Variants in CCSER1 observed in about 807,000 individuals in gnomAD.
The protein encoded by CCSER1 is coiled-coil serine rich protein 1.
In CCSER1, 41 loss-of-function variants were observed where a neutral mutation model predicts 82.0. That is an observed-to-expected ratio of 0.50 (90% confidence interval 0.39 to 0.65). CCSER1 has a LOEUF of 0.65. Among genes scored for constraint, CCSER1 ranks in the 30% least tolerant of loss-of-function variants. The probability of loss-of-function intolerance (pLI) is 0.00; values close to 1 mark genes in which losing one functional copy is unlikely to be tolerated. For missense variants in CCSER1, 1,119 were observed against 1,064.2 expected (o/e 1.05, Z -0.72); for synonymous variants, 414 against 383.9 (o/e 1.08, Z -0.92).
At chr4:90,853,560 C>T (rs979025069) in intron 8 of CCSER1, among the ~76,000 whole-genome samples, 9 of 151,984 alleles carry the variant, frequency 5.9e-5, no homozygotes, top group Non-Finnish European at 1.0e-4. Context: ...TCTCTGTGCT[C>T]GTGTTTTAAC....
intron 8 of CCSER1, among the ~76,000 whole-genome samples, chr4:90,841,808 G>A (rs1762608234): frequency 6.6e-6 from 1 of 151,996 alleles, no homozygotes; most frequent in African/African-American, 2.4e-5. Flanking sequence ...TGGTACTCTG[G>A]AAGTGTGTCT....
At chr4:90,934,100 A>AT (rs1029954047) in intron 9 of CCSER1, among the ~76,000 whole-genome samples, 2 of 151,902 alleles carry the variant, frequency 1.3e-5, no homozygotes, top group African/African-American at 2.4e-5. Flanking sequence ...CTTTATGATC[A>AT]TTTTTTGTAA....
intron 10 of CCSER1, among the ~76,000 whole-genome samples, chr4:91,360,101 TAGTGTGGC>T (rs1749151192): frequency 6.6e-6 from 1 of 151,824 alleles, no homozygotes. Flanking sequence ...TGATTAATGG[TAGTGTGGC>T]ACCATATAGT....
intron 10 of CCSER1, among the ~76,000 whole-genome samples, chr4:91,590,615 A>G (rs191006256): frequency 2.0e-5 from 3 of 152,268 alleles, no homozygotes; most frequent in Admixed American, 2.0e-4. Flanking sequence ...ATTGTACTTG[A>G]GAAAGACGCA....
intron 10 of CCSER1, among the ~76,000 whole-genome samples, chr4:91,261,058 C>T (rs1472638235): frequency 6.6e-6 from 1 of 152,216 alleles, no homozygotes; most frequent in African/African-American, 2.4e-5. Context: ...CCACCACGCC[C>T]GGCTTCCCTA....
intron 5 of CCSER1, among the ~76,000 whole-genome samples, chr4:90,483,364 C>G (rs113568399): frequency 0.026 from 4,028 of 152,276 alleles, 187 homozygotes; most frequent in African/African-American, 0.092. Flanking sequence ...AGCATTTAGT[C>G]CACATACATT....
chr4:91,000,036 A>G (rs72884756), intron 9 of CCSER1, among the ~76,000 whole-genome samples: 3,069 of 151,938 alleles, frequency 0.02, 61 homozygotes, highest in African/African-American at 0.054. Flanking sequence ...CATTTATTGA[A>G]TACGGAGTTC....
At chr4:90,864,195 C>A (rs986354304) in intron 8 of CCSER1, among the ~76,000 whole-genome samples, 2 of 151,734 alleles carry the variant, frequency 1.3e-5, no homozygotes, top group Non-Finnish European at 2.9e-5. Context: ...CTTTTTCTAA[C>A]CTGAGTGCTC....
At chr4:91,324,835 T>C (rs1470668920) in intron 10 of CCSER1, among the ~76,000 whole-genome samples, 1 of 152,120 alleles carries the variant, frequency 6.6e-6, no homozygotes, top group African/African-American at 2.4e-5. Flanking sequence ...TGGAAAGGCA[T>C]GATTATGTTT....
chr4:91,089,651 T>C (rs1238054000), intron 10 of CCSER1, among the ~76,000 whole-genome samples: 1 of 152,174 alleles, frequency 6.6e-6, no homozygotes, highest in African/African-American at 2.4e-5. Context: ...TTTTATCATT[T>C]GAAGAAGTAC....
chr4:90,230,328 C>T (rs1307575566), intron 1 of CCSER1, among the ~76,000 whole-genome samples: 7 of 152,130 alleles, frequency 4.6e-5, no homozygotes, highest in South Asian at 2.1e-4. Context: ...CACTCAAAAC[C>T]GCTCAACTAC....
At chr4:91,463,512 A>G (rs1030613466) in intron 10 of CCSER1, among the ~76,000 whole-genome samples, 19 of 152,232 alleles carry the variant, frequency 1.2e-4, no homozygotes, top group African/African-American at 4.6e-4. Flanking sequence ...ACAGAGAATG[A>G]CTTTGACGAG....
intron 6 of CCSER1, among the ~76,000 whole-genome samples, chr4:90,701,613 A>G (rs1738143832): frequency 6.6e-6 from 1 of 152,200 alleles, no homozygotes. Flanking sequence ...CTTCCTACCC[A>G]TGAGCATGGA....
At chr4:90,469,222 C>G (rs1037143101) in intron 5 of CCSER1, among the ~76,000 whole-genome samples, 3 of 151,922 alleles carry the variant, frequency 2.0e-5, no homozygotes, top group South Asian at 4.2e-4. Flanking sequence ...TGTCTTTTTA[C>G]TAGATAATAA....
chr4:91,123,306 G>T (rs560427085), intron 10 of CCSER1, among the ~76,000 whole-genome samples: 34 of 151,768 alleles, frequency 2.2e-4, no homozygotes, highest in African/African-American at 7.7e-4. Context: ...TCAAAGAAAA[G>T]CTTATGATAA....
intron 10 of CCSER1, among the ~76,000 whole-genome samples, chr4:91,158,644 GT>G: frequency 6.6e-6 from 1 of 150,714 alleles, no homozygotes; most frequent in Middle Eastern, 3.4e-3. Context: ...GTGTGTGTGT[GT>G]GTCTCACTGG....
chr4:90,873,852 G>A (rs1766866855), intron 8 of CCSER1, among the ~76,000 whole-genome samples: 1 of 152,054 alleles, frequency 6.6e-6, no homozygotes, highest in African/African-American at 2.4e-5. Context: ...GTCCCTGATA[G>A]TGACAGATGA....
intron 8 of CCSER1, among the ~76,000 whole-genome samples, chr4:90,892,680 G>A (rs1326814751): frequency 6.6e-6 from 1 of 151,878 alleles, no homozygotes; most frequent in African/African-American, 2.4e-5. Flanking sequence ...GTGTTTAACA[G>A]TTATGTAGGC....
At chr4:90,660,025 T>G (rs188324561) in intron 6 of CCSER1, among the ~76,000 whole-genome samples, 1 of 151,846 alleles carries the variant, frequency 6.6e-6, no homozygotes, top group Non-Finnish European at 1.5e-5. Flanking sequence ...AAAAAAAACC[T>G]TAAATAGATG....
Sources: gnomAD v4.1 joint callset for allele counts (sites outside exome capture counted in the v4.1 genomes callset) on GRCh38, gnomAD v4.1.1 for gene constraint, MANE v1.5 for transcripts, NCBI Gene and HGNC (gene_info 2026-07-23, HGNC 2026-07-21) for gene names.